Variants in FRMPD4 observed in about 807,000 individuals in gnomAD.
FRMPD4 encodes the protein FERM and PDZ domain containing 4.
Under a neutral mutation model 94.1 loss-of-function variants are expected in FRMPD4, and 22 were observed. That is an observed-to-expected ratio of 0.23 (90% CI 0.17 to 0.33). The LOEUF (loss-of-function observed/expected upper bound fraction) is 0.33, where lower values mean the gene tolerates loss of function less well. FRMPD4 is among the 10% of genes least tolerant of loss of function. The pLI is 1.00. For missense variants in FRMPD4, 1,111 were observed against 1,339.9 expected (o/e 0.83, Z 2.67); for synonymous variants, 631 against 548.6 (o/e 1.15, Z -2.10).
chrX:11,842,548 T>C (rs1418414520), intron 1 of FRMPD4, among the ~76,000 whole-genome samples: 1 of 83,663 alleles, frequency 1.2e-5, no homozygotes. Context: ...GGCTCTCTGT[T>C]TGTCTGTTAT....
intron 3 of FRMPD4, among the ~76,000 whole-genome samples, chrX:12,032,064 A>G (rs1272636959): frequency 8.9e-6 from 1 of 112,053 alleles, no homozygotes; most frequent in African/African-American, 3.2e-5. Context: ...GAGGATTTTG[A>G]TGGGAACGAA....
chrX:11,861,045 G>T (rs2053683786), intron 1 of FRMPD4, among the ~76,000 whole-genome samples: 1 of 112,046 alleles, frequency 8.9e-6, no homozygotes, highest in Non-Finnish European at 1.9e-5. Context: ...GTTAGTCTCT[G>T]TCATGTGACT....
Position 12,720,633 on chromosome X carries a change from CG to C in FRMPD4, c.4066del (p.Glu1356AsnfsTer25). ...DPILLPSNIHSESKVPIPNQD... is the reference protein window; with the variant it reads ...DPILLPSNIHXESKVPIPNQD... The stretch of plus-strand genomic sequence containing the variant: ...ATCCTGCTACCATCAAACATTCACT[CG>C]GAATCAAAGGTGCCAATTCCAAATC... On this transcript the variant is annotated frameshift_variant, in exon 17 of 17. Coordinates refer to ENST00000675598, the MANE Select transcript of FRMPD4 (RefSeq NM_001368397.1). LOFTEE classifies it high-confidence loss of function. 8.5e-7 allele frequency: 1 copy of C among 1,180,121 alleles called. No individual in the cohort carries two copies. Among genetic ancestry groups the C allele is most frequent in the Non-Finnish European group, 1.1e-6 (1 of 881,716 alleles).
At chrX:11,913,075 G>A (rs754079599) in intron 3 of FRMPD4, among the ~76,000 whole-genome samples, 26 of 112,296 alleles carry the variant, frequency 2.3e-4, no homozygotes, top group Non-Finnish European at 3.9e-4. Flanking sequence ...TGCCTCCAAA[G>A]CCAGTTGTCT....
intron 1 of FRMPD4, among the ~76,000 whole-genome samples, chrX:12,153,701 A>G (rs1349446489): frequency 1.8e-5 from 2 of 112,730 alleles, no homozygotes; most frequent in Non-Finnish European, 3.7e-5. Flanking sequence ...TATACTGGAC[A>G]TAATTCATAG....
chrX:12,106,985 C>T (rs1406680419), intron 3 of FRMPD4, among the ~76,000 whole-genome samples: 1 of 112,025 alleles, frequency 8.9e-6, no homozygotes. Context: ...AGGGCATAGT[C>T]GAACAAAAGG....
At chrX:12,610,129 A>G (rs1405332630) in intron 3 of FRMPD4, among the ~76,000 whole-genome samples, 1 of 112,199 alleles carries the variant, frequency 8.9e-6, no homozygotes, top group Non-Finnish European at 1.9e-5. Flanking sequence ...GAAATGAATC[A>G]CTTCTTAACT....
chrX:12,501,609 T>C (rs777207440), intron 2 of FRMPD4, among the ~76,000 whole-genome samples: 61 of 111,644 alleles, frequency 5.5e-4, no homozygotes, highest in Admixed American at 7.6e-4. Flanking sequence ...TTAGCACCTT[T>C]GCATTGAATT....
intron 1 of FRMPD4, among the ~76,000 whole-genome samples, chrX:12,264,611 C>T (rs766015101): frequency 3.6e-5 from 4 of 111,912 alleles, no homozygotes; most frequent in Admixed American, 9.5e-5. Context: ...TGTAGGCTAC[C>T]GTATGTTTGT....
chrX:11,957,525 C>A (rs1319501742), intron 3 of FRMPD4, among the ~76,000 whole-genome samples: 2 of 108,380 alleles, frequency 1.8e-5, no homozygotes, highest in African/African-American at 6.7e-5. Flanking sequence ...GACCCTGTCT[C>A]AAAATAAAAT....
At chrX:12,310,130 G>A (rs1033303596) in intron 1 of FRMPD4, among the ~76,000 whole-genome samples, 7 of 110,871 alleles carry the variant, frequency 6.3e-5, no homozygotes, top group Non-Finnish European at 9.4e-5. Flanking sequence ...GAGAGTCAGC[G>A]AAGGGAGATA....
chrX:12,015,784 C>T (rs181954721), intron 3 of FRMPD4, among the ~76,000 whole-genome samples: 109 of 111,886 alleles, frequency 9.7e-4, no homozygotes, highest in African/African-American at 3.5e-3. Flanking sequence ...CTACTTTGGG[C>T]ACAGTCACAA....
At chrX:12,694,662 C>T (rs1382721278) in intron 9 of FRMPD4, among the ~76,000 whole-genome samples, 5 of 112,065 alleles carry the variant, frequency 4.5e-5, no homozygotes, top group African/African-American at 1.6e-4. Flanking sequence ...CAAGAGTAGT[C>T]ATCTATACCC....
At chrX:12,300,703 A>T (rs1040630765) in intron 1 of FRMPD4, among the ~76,000 whole-genome samples, 2 of 112,023 alleles carry the variant, frequency 1.8e-5, no homozygotes, top group Admixed American at 9.4e-5. Flanking sequence ...AAAAAAAGAA[A>T]ATCTCAAGAA....
chrX:12,351,830 G>C (rs186602190), intron 1 of FRMPD4, among the ~76,000 whole-genome samples: 64 of 112,819 alleles, frequency 5.7e-4, no homozygotes, highest in Non-Finnish European at 9.2e-4. Flanking sequence ...TGTAGGTGTA[G>C]TTCACTTATT....
At chrX:12,079,670 T>C (rs2055047250) in intron 3 of FRMPD4, among the ~76,000 whole-genome samples, 1 of 112,127 alleles carries the variant, frequency 8.9e-6, no homozygotes, top group African/African-American at 3.2e-5. Context: ...TTTGTTTCAT[T>C]ATGTAATATT....
intron 7 of FRMPD4, among the ~76,000 whole-genome samples, chrX:12,689,202 G>T (rs754289140): frequency 3.6e-5 from 4 of 111,782 alleles, no homozygotes; most frequent in African/African-American, 1.3e-4. Flanking sequence ...AAAAAGTATA[G>T]GTTGAAGAGA....
intron 1 of FRMPD4, among the ~76,000 whole-genome samples, chrX:12,410,219 A>T (rs1230027624): frequency 9.0e-6 from 1 of 111,281 alleles, no homozygotes; most frequent in African/African-American, 3.3e-5. Context: ...ACTCCCATTT[A>T]CACGCCCAGG....
chrX:12,601,792 CACTG>C (rs1213858671), intron 2 of FRMPD4, among the ~76,000 whole-genome samples: 1 of 111,433 alleles, frequency 9.0e-6, no homozygotes, highest in Non-Finnish European at 1.9e-5. Flanking sequence ...CCCTGAAGTT[CACTG>C]ACTGCCGTTT....
Sources: allele counts gnomAD v4.1 joint callset (sites outside exome capture counted in the v4.1 genomes callset), GRCh38; gene constraint gnomAD v4.1.1; transcripts MANE v1.5; gene names NCBI Gene and HGNC (gene_info 2026-07-23, HGNC 2026-07-21).